RBBP4: variants seen among roughly 807,000 people sequenced by gnomAD.
RBBP4 encodes the protein histone-binding protein RBBP4.
RBBP4 carries 3 observed loss-of-function variants against 57.2 expected under a neutral mutation model. That is an observed-to-expected ratio of 0.05 (90% CI 0.02 to 0.14). RBBP4 has a LOEUF of 0.14. Among genes scored for constraint, RBBP4 ranks in the 10% least tolerant of loss-of-function variants. The pLI, the probability that RBBP4 is intolerant of heterozygous loss-of-function variation, is 1.00. For synonymous variants in RBBP4, 151 were observed against 171.5 expected, an observed-to-expected ratio of 0.88 and a Z score of 0.93; for missense variants, 107 against 520.6, an observed-to-expected ratio of 0.21 and a Z score of 7.73.
chr1:32,673,264 CATCT>C (rs1396418924), intron 11 of RBBP4, among the ~76,000 whole-genome samples: 1 of 152,056 alleles, frequency 6.6e-6, no homozygotes, highest in Non-Finnish European at 1.5e-5. Flanking sequence ...GATTTCATAC[CATCT>C]ATCTGCGGTG....
chr1:32,674,297 G>A (rs957211543), intron 11 of RBBP4, among the ~76,000 whole-genome samples: 3 of 92,084 alleles, frequency 3.3e-5, no homozygotes, highest in African/African-American at 9.5e-5. Context: ...GCAGTGGTGC[G>A]ATTACAGCTC....
intron 3 of RBBP4, among the ~76,000 whole-genome samples, chr1:32,666,986 G>T (rs1405203188): frequency 1.3e-5 from 2 of 152,242 alleles, no homozygotes; most frequent in African/African-American, 4.8e-5. Context: ...GCCCGCATAA[G>T]GGCCACTTGA....
In RBBP4 at chr1:32,677,710, A is replaced by AGGT. The variant is rs1553196805; in HGVS notation, c.1213-1929_1213-1928insGTG. ...TTCAGATAGTGTCAGAATAGGATTG[A>AGGT]GTTGTACACCCAGTTGGTGTCCTAA... On this transcript the variant is annotated intron_variant, in intron 11 of 11. Coordinates refer to ENST00000373493, the MANE Select transcript of RBBP4 (RefSeq NM_005610.3). Among the ~76,000 whole-genome samples, 172 of 152,086 alleles carry AGGT rather than the reference A, an allele frequency of 1.1e-3. 1 individual carries two copies. The highest frequency in any genetic ancestry group is 4.0e-3 in the African/African-American group (165 of 41,430).
intron 8 of RBBP4, among the ~76,000 whole-genome samples, chr1:32,671,694 CTT>C (rs71006356): frequency 1.4e-5 from 2 of 147,592 alleles, no homozygotes; most frequent in African/African-American, 2.5e-5. Flanking sequence ...GGCCTCATCT[CTT>C]TTTTTTTTTG....
intron 2 of RBBP4, among the ~76,000 whole-genome samples, chr1:32,654,573 A>T (rs1648051511): frequency 6.6e-6 from 1 of 152,226 alleles, no homozygotes. Flanking sequence ...ATGACTAGCT[A>T]GGTTTCGAAA....
In RBBP4 at chr1:32,666,369, T is replaced by A. The variant is rs1265567292; in HGVS notation, c.311-1856T>A. On this transcript the variant is annotated intron_variant, in intron 3 of 11. Transcript: ENST00000373493. ...TTGAAATTTGAAAACTTTATTTTTTTTTTTTTTGAGACGGAGTCTTGCTCT... is the reference window on the plus strand; with the variant it reads ...TTGAAATTTGAAAACTTTATTTTTTATTTTTTTGAGACGGAGTCTTGCTCT... Among the ~76,000 whole-genome samples the A allele has an allele frequency of 2.6e-5, 4 of 152,152 alleles. No individual in the cohort carries two copies. In the East Asian group the frequency reaches 5.8e-4, roughly 22 times the overall value.
Position 32,683,981 on chromosome 1 carries a change from A to G in RBBP4, c.*4276A>G, listed in dbSNP as rs1267648435. ...TTGTTAGGAAAGCAGTAACAATGCA[A>G]ACACCACTCTTCTCTTCACAAAGAT... is the stretch of plus-strand genomic sequence containing the variant. On this transcript the variant is annotated 3_prime_UTR_variant, in exon 12 of 12. Coordinates refer to ENST00000373493, the MANE Select transcript of RBBP4 (RefSeq NM_005610.3). The G allele has an allele frequency of 3.7e-6, 6 of 1,605,898 alleles. No homozygotes were observed. Among genetic ancestry groups the G allele is most frequent in the Non-Finnish European group, 5.1e-6 (6 of 1,173,246 alleles).
chr1:32,668,620 G>T (rs923931320), intron 4 of RBBP4, 119 bp from the exon 5 acceptor site: 17 of 873,500 alleles, frequency 1.9e-5, no homozygotes, highest in Non-Finnish European at 2.5e-5. Context: ...GATCATAACG[G>T]TTCCTATATC....
Position 32,672,483 on chromosome 1 carries a change from G to A in RBBP4, c.1000G>A (p.Ala334Thr). The change falls in exon 9 of 12, where the codon GCT (alanine) becomes ACT (threonine). Residue 334 changes from alanine (A) to threonine (T), a missense_variant. Coordinates refer to ENST00000373493, the MANE Select transcript of RBBP4 (RefSeq NM_005610.3). ...QWSPHNETIL[A>T]SSGTDRRLNV... Reference sequence around the variant, plus strand: ...GTCACCTCACAATGAGACTATTTTAGCTTCCAGTGGTACTGATCGCAGACT... The same window carrying A: ...GTCACCTCACAATGAGACTATTTTAACTTCCAGTGGTACTGATCGCAGACT... 6.2e-7 allele frequency: 1 copy of A among 1,611,108 alleles called. No individual in the cohort carries two copies. The highest frequency in any genetic ancestry group is 8.5e-7 in the Non-Finnish European group (1 of 1,177,686).
At chr1:32,677,470 TAA>T (rs10626684) in intron 11 of RBBP4, among the ~76,000 whole-genome samples, 2 of 147,270 alleles carry the variant, frequency 1.4e-5, no homozygotes, top group East Asian at 2.0e-4. Flanking sequence ...ATCCTTTATT[TAA>T]AAAAAAAAAC....
chr1:32,676,070 G>A (rs1313435920), intron 11 of RBBP4, among the ~76,000 whole-genome samples: 1 of 152,136 alleles, frequency 6.6e-6, no homozygotes, highest in Non-Finnish European at 1.5e-5. Context: ...TGCTCTTTGG[G>A]AGGCCGTGAC....
chr1:32,665,984 A>G (rs1370505328), intron 3 of RBBP4, among the ~76,000 whole-genome samples: 1 of 152,206 alleles, frequency 6.6e-6, no homozygotes, highest in African/African-American at 2.4e-5. Flanking sequence ...ATTGTTATAT[A>G]TACTATAATG....
rs1476037331 is a variant in RBBP4, at chr1:32,684,130, A to C, written c.*4425A>C. On this transcript the variant is annotated 3_prime_UTR_variant, in exon 12 of 12. Transcript: ENST00000373493. ...GCCATTTTCCATGTGTTTTTGGATA[A>C]GCACAATTTGAAAATCATTTCCCAA... is the stretch of plus-strand genomic sequence containing the variant. The C allele has an allele frequency of 6.2e-7, 1 of 1,608,108 alleles. No individual in the cohort carries two copies. The highest frequency in any genetic ancestry group is 8.5e-7 in the Non-Finnish European group (1 of 1,177,106).
At chr1:32,651,735 G>C (rs1647708019) in intron 1 of RBBP4, 179 bp from the exon 2 acceptor site, 1 of 835,044 alleles carries the variant, frequency 1.2e-6, no homozygotes, top group Non-Finnish European at 1.8e-6. Context: ...TGTTTGGCGG[G>C]GATGGCCCGA....
chr1:32,668,498 A>G lies in RBBP4; in HGVS notation c.484+100A>G, dbSNP rs182440417. 2,447 of 1,268,658 alleles carry G rather than the reference A, an allele frequency of 1.9e-3. 8 individuals carry two copies. Among genetic ancestry groups the G allele is most frequent in the Non-Finnish European group, 2.5e-3 (2,268 of 909,666 alleles). 78.6% of individuals were successfully genotyped at this position (1,268,658 alleles called of 1,614,324 possible). On this transcript the variant is annotated intron_variant, in intron 4 of 11. Coordinates refer to ENST00000373493, the MANE Select transcript of RBBP4 (RefSeq NM_005610.3). ...TGCATGTTACTCTGTGTAATTTAAC[A>G]TCTTGTGATTTGTATTGATATGTGT...
At position 32,651,820 on chromosome 1, in the gene RBBP4, A is replaced by G. The variant is rs567459567; in HGVS notation, c.17-94A>G. The G allele has an allele frequency of 8.9e-5, 122 of 1,363,748 alleles. 3 individuals are homozygous for G. In the South Asian group the frequency reaches 1.5e-3, roughly 16 times the overall value. 84.5% of individuals were successfully genotyped at this position (1,363,748 alleles called of 1,614,324 possible). A position where few individuals can be genotyped will look rare whatever the true frequency, so the allele number is the denominator to read the frequency against. ...GATTTAGACAAATCACCTCCATTTC[A>G]TGGTTAGGCTGTAGGAGTCATGCAG... On this transcript the variant is annotated intron_variant, in intron 1 of 11. Coordinates refer to ENST00000373493, the MANE Select transcript of RBBP4 (RefSeq NM_005610.3).
chr1:32,652,257 G>T, intron 2 of RBBP4, 196 bp downstream of exon 2: 1 of 620,514 alleles, frequency 1.6e-6, no homozygotes, highest in Non-Finnish European at 2.7e-6. Context: ...AAAACATATT[G>T]GCGTTTTTTT....
chr1:32,653,734 C>T (rs1648011923), intron 2 of RBBP4, among the ~76,000 whole-genome samples: 1 of 136,964 alleles, frequency 7.3e-6, no homozygotes, highest in Admixed American at 8.1e-5. Context: ...TCTCCGCTGA[C>T]TGCAAGCTCC....
intron 2 of RBBP4, among the ~76,000 whole-genome samples, chr1:32,653,453 G>C (rs948693006): frequency 1.3e-5 from 2 of 152,040 alleles, no homozygotes; most frequent in African/African-American, 4.8e-5. Flanking sequence ...ATTAGACTAT[G>C]ATGTAGCTCA....
Sources: allele counts gnomAD v4.1 joint callset (sites outside exome capture counted in the v4.1 genomes callset), GRCh38; gene constraint gnomAD v4.1.1; transcripts MANE v1.5; gene names NCBI Gene and HGNC (gene_info 2026-07-23, HGNC 2026-07-21).